NPM2: variants seen among roughly 807,000 people sequenced by gnomAD.
NPM2 encodes nucleoplasmin-2.
In NPM2, 25 loss-of-function variants were observed where a neutral mutation model predicts 32.0. The ratio of observed to expected loss-of-function variants is 0.78; its 90% CI spans 0.57 to 1.09. The LOEUF (loss-of-function observed/expected upper bound fraction) is 1.09, where lower values mean the gene tolerates loss of function less well. NPM2 is among the 50% of genes least tolerant of loss of function. The pLI is 0.00. For missense variants in NPM2, 282 were observed against 259.9 expected, an observed-to-expected ratio of 1.08 and a Z score of -0.58; for synonymous variants, 111 against 94.2, an observed-to-expected ratio of 1.18 and a Z score of -1.04.
chr8:22,032,500 C>T (rs143474284), intron 5 of NPM2, among the ~76,000 whole-genome samples: 121 of 152,266 alleles, frequency 7.9e-4, no homozygotes, highest in African/African-American at 2.8e-3. Context: ...TCTGCTTTCT[C>T]GTTTGATCGG....
At position 22,025,733 on chromosome 8, in the gene NPM2, G is replaced by T. The variant is rs368396257; in HGVS notation, c.231G>T (p.Pro77=). The T allele has an allele frequency of 2.5e-6, 4 of 1,614,066 alleles. No homozygotes were observed. The East Asian group carries it at 8.9e-5, about 36-fold the overall frequency. ...ACCAGGAGGACAAGAAGATGCAGCC[G>T]GTCACCATTGCCTCACTCCAGGCCT... ...PANQEDKKMQ[P]VTIASLQASV... Residue 77 remains proline, a synonymous_variant, in exon 5 of 10, where the codon CCG becomes CCT. Transcript: ENST00000518119.
At chr8:22,028,485 A>AT (rs34390285) in intron 5 of NPM2, among the ~76,000 whole-genome samples, 105,318 of 139,214 alleles carry the variant, frequency 0.76, 40,025 homozygotes, top group East Asian at 0.84. Context: ...TGCCCAGCTG[A>AT]TTTTTTTTTT....
At chr8:22,030,803 C>A (rs568397521) in intron 5 of NPM2, among the ~76,000 whole-genome samples, 2 of 152,108 alleles carry the variant, frequency 1.3e-5, no homozygotes, top group South Asian at 2.1e-4. Context: ...CCTCAGCCCC[C>A]CCGAGTAGCC....
At chr8:22,027,962 G>A (rs1800311300) in intron 5 of NPM2, among the ~76,000 whole-genome samples, 1 of 151,966 alleles carries the variant, frequency 6.6e-6, no homozygotes, top group South Asian at 2.1e-4. Flanking sequence ...TGTTGTCTCT[G>A]CCCCCATCTT....
chr8:22,033,337 C>A, intron 6 of NPM2, 114 bp downstream of exon 6: 2 of 854,814 alleles, frequency 2.3e-6, no homozygotes, highest in Non-Finnish European at 3.9e-6. Context: ...AGAAAATCCC[C>A]AAAGGCAACA....
chr8:22,033,250 G>T, intron 6 of NPM2, 27 bp downstream of exon 6: 1 of 1,563,400 alleles, frequency 6.4e-7, no homozygotes. Context: ...GATCAGGAAG[G>T]TCCGTGAGTA....
rs1417872938 is a variant in NPM2 at position 22,024,357 on chromosome 8, C to T, written c.-407C>T. 1 of 152,514 alleles carries T rather than the reference C, an allele frequency of 6.6e-6. No homozygotes were observed. Among genetic ancestry groups the T allele is most frequent in the Non-Finnish European group, 1.5e-5 (1 of 68,254 alleles). The allele number at this position is 152,514 out of a possible 1,614,324, so 9.4% of individuals were successfully genotyped here. A position where few individuals can be genotyped will look rare whatever the true frequency, so the allele number is the denominator to read the frequency against. On this transcript the variant is annotated 5_prime_UTR_variant, in exon 1 of 10. Coordinates refer to ENST00000518119, the MANE Select transcript of NPM2 (RefSeq NM_001286680.2). The stretch of plus-strand genomic sequence containing the variant: ...GAAAGGCAACGAACAAGAAGGAGGG[C>T]TTCCAACTGCAGCTTCCTGCCGGCT...
chr8:22,029,805 T>A (rs1800375173), intron 5 of NPM2, among the ~76,000 whole-genome samples: 1 of 152,224 alleles, frequency 6.6e-6, no homozygotes, highest in Admixed American at 6.5e-5. Context: ...TGGTTCCCAA[T>A]GTTGCTGTTG....
At chr8:22,033,702 C>T (rs1376453349) in intron 6 of NPM2, among the ~76,000 whole-genome samples, 6 of 152,166 alleles carry the variant, frequency 3.9e-5, no homozygotes, top group Admixed American at 2.6e-4. Context: ...CTTGGCAGGT[C>T]CCACTTCTCT....
intron 8 of NPM2, among the ~76,000 whole-genome samples, chr8:22,034,963 C>A (rs1306221037): frequency 1.3e-5 from 2 of 152,108 alleles, no homozygotes; most frequent in African/African-American, 2.4e-5. Context: ...CAAAAATTAA[C>A]CGAGCCTGGT....
At chr8:22,033,897 C>T (rs943856457) in intron 6 of NPM2, among the ~76,000 whole-genome samples, 7 of 152,134 alleles carry the variant, frequency 4.6e-5, no homozygotes, top group Admixed American at 1.3e-4. Flanking sequence ...GCAGGGCTTT[C>T]CTAGACCCCC....
rs185946620 is a variant in NPM2 at position 22,031,000 on chromosome 8, A to G, written c.271-2130A>G. Among the ~76,000 whole-genome samples the G allele has an allele frequency of 7.2e-5, 11 of 152,200 alleles. No individual in the cohort carries two copies. In the East Asian group the frequency reaches 7.7e-4, roughly 11 times the overall value. ...TCTTTAGTTTATTTTGTTTTTTTCC[A>G]AAAGAATTCGATGTGGCCTGAGTTT... On this transcript the variant is annotated intron_variant, in intron 5 of 9. Transcript: ENST00000518119.
chr8:22,025,085 C>T (rs1800189712), intron 2 of NPM2, 131 bp from the exon 3 acceptor site: 2 of 702,304 alleles, frequency 2.8e-6, no homozygotes, highest in Non-Finnish European at 4.6e-6. Flanking sequence ...CCGGTGAGCC[C>T]TTGACCGTGG....
rs536897983 is a variant in NPM2, at chr8:22,034,095, C to T, written c.365-14C>T. ...TGAAGCTGTGCCCCTGCATCCTTTC[C>T]CATGCTATTACAGAAGCATCAGACC... On this transcript the variant is annotated splice_polypyrimidine_tract_variant and intron_variant, in intron 6 of 9. Transcript: ENST00000518119. The T allele has an allele frequency of 3.8e-5, 59 of 1,571,826 alleles. No individual in the cohort carries two copies. Among genetic ancestry groups the T allele is most frequent in the Non-Finnish European group, 4.6e-5 (53 of 1,160,868 alleles).
chr8:22,025,512 G>A lies in NPM2; in HGVS notation c.135G>A (p.Leu45=). ...QLEGKQSCRL[L]LHTICLGEKA... is the part of the protein sequence containing the mutation. ...AGGGGAAGCAGAGCTGCAGGCTGTT[G>A]CTTCATACGGTAGGTGTTCCCAAAA... The change falls in exon 4 of 10, where the codon TTG becomes TTA. Residue 45 remains leucine (L), a synonymous_variant. Transcript: ENST00000518119. 6.2e-7 allele frequency: 1 copy of A among 1,614,118 alleles called. No homozygotes were observed. The highest frequency in any genetic ancestry group is 8.5e-7 in the Non-Finnish European group (1 of 1,180,004).
intron 6 of NPM2, 94 bp from the exon 7 acceptor site, chr8:22,034,015 G>A: frequency 6.6e-7 from 1 of 1,504,942 alleles, no homozygotes. Flanking sequence ...CTCCAGGGCA[G>A]TGCTTGGAGC....
At chr8:22,026,419 T>C (rs1800255584) in intron 5 of NPM2, among the ~76,000 whole-genome samples, 1 of 151,628 alleles carries the variant, frequency 6.6e-6, no homozygotes, top group Admixed American at 6.6e-5. Context: ...AAGTTTTCTA[T>C]GCATATAATA....
At chr8:22,026,161 G>T (rs1258290772) in intron 5 of NPM2, among the ~76,000 whole-genome samples, 1 of 152,092 alleles carries the variant, frequency 6.6e-6, no homozygotes, top group Non-Finnish European at 1.5e-5. Context: ...GGTAAGCTGT[G>T]CGTGCGAGGG....
intron 2 of NPM2, 103 bp from the exon 3 acceptor site, chr8:22,025,113 C>A: frequency 1.1e-6 from 1 of 946,454 alleles, no homozygotes; most frequent in Non-Finnish European, 1.6e-6. Context: ...CCTCCAGCCG[C>A]GAGCGACCCC....
Sources: allele counts gnomAD v4.1 joint callset (sites outside exome capture counted in the v4.1 genomes callset), GRCh38; gene constraint gnomAD v4.1.1; transcripts MANE v1.5; gene names NCBI Gene and HGNC (gene_info 2026-07-23, HGNC 2026-07-21).